ZNF420: variants seen among roughly 807,000 people sequenced by gnomAD.
ZNF420 encodes the protein ATM and p53-associated KZNF protein.
In ZNF420, 31 loss-of-function variants were observed where a neutral mutation model predicts 44.7. That is an observed-to-expected ratio of 0.69 (90% CI 0.52 to 0.94). ZNF420 has a LOEUF of 0.94. ZNF420 is among the 40% of genes least tolerant of loss of function. The probability of loss-of-function intolerance (pLI) is 0.00; values close to 1 mark genes in which losing one functional copy is unlikely to be tolerated. For synonymous variants in ZNF420, 245 were observed against 267.4 expected, an observed-to-expected ratio of 0.92 and a Z score of 0.82; for missense variants, 681 against 827.9, an observed-to-expected ratio of 0.82 and a Z score of 2.18.
Position 37,127,922 on chromosome 19 carries a change from G to C in ZNF420, c.931G>C (p.Glu311Gln). Residue 311 changes from glutamate (E) to glutamine (Q), a missense_variant, in exon 5 of 5, where the codon GAA becomes CAA. Coordinates refer to ENST00000337995, the MANE Select transcript of ZNF420 (RefSeq NM_144689.5). ...CGGTGAGAAACCCTATGAATGTAAG[G>C]AATGTGGAAAAGCTTTTATTTGTGG... is the stretch of plus-strand genomic sequence containing the variant. ...HTGEKPYECKECGKAFICGSQ... is the reference protein window; with the variant it reads ...HTGEKPYECKQCGKAFICGSQ... The C allele has an allele frequency of 6.2e-7, 1 of 1,614,104 alleles. No individual in the cohort carries two copies. Among genetic ancestry groups the C allele is most frequent in the Non-Finnish European group, 8.5e-7 (1 of 1,179,980 alleles).
At chr19:37,118,231 A>G (rs951858374) in intron 4 of ZNF420, among the ~76,000 whole-genome samples, 2 of 152,336 alleles carry the variant, frequency 1.3e-5, no homozygotes, top group East Asian at 1.9e-4. Context: ...GAGAAAGGTC[A>G]GGTTACCCAC....
chr19:37,115,155 G>A (rs754652498), intron 4 of ZNF420: 13 of 175,644 alleles, frequency 7.4e-5, no homozygotes, highest in Non-Finnish European at 9.8e-5. Context: ...ACGCTCGAGC[G>A]TACCTTCACC....
rs1347375228 is a variant in ZNF420 at position 37,127,386 on chromosome 19, G to A, written c.395G>A (p.Cys132Tyr). The A allele has an allele frequency of 6.2e-7, 1 of 1,613,754 alleles. No homozygotes were observed. Among genetic ancestry groups the A allele is most frequent in the Non-Finnish European group, 8.5e-7 (1 of 1,179,718 alleles). Residue 132 changes from cysteine (C) to tyrosine (Y), a missense_variant, in exon 5 of 5, where the codon TGT (cysteine) becomes TAT (tyrosine). Around this residue, in one of 3 missense-constraint regions of ZNF420, gnomAD observed 350 missense variants for 382.5 expected, o/e 0.92. Transcript: ENST00000337995. Reference sequence around the variant, plus strand: ...ACTTACTTATCTCAACATTCAAGATGTCATTCTACTGAGAAACCCTATAAA... The same window carrying A: ...ACTTACTTATCTCAACATTCAAGATATCATTCTACTGAGAAACCCTATAAA... Reference protein sequence around the residue: ...QHTYLSQHSRCHSTEKPYKCK... With the variant: ...QHTYLSQHSRYHSTEKPYKCK...
chr19:37,086,474 A>G (rs1409110384), intron 2 of ZNF420, among the ~76,000 whole-genome samples: 1 of 152,126 alleles, frequency 6.6e-6, no homozygotes, highest in Non-Finnish European at 1.5e-5. Context: ...TATTCTATTA[A>G]TATATATTTA....
chr19:37,080,466 T>C (rs1424958661), intron 2 of ZNF420, 78 bp downstream of exon 2: 2 of 152,680 alleles, frequency 1.3e-5, no homozygotes, highest in Non-Finnish European at 2.9e-5. Flanking sequence ...TTTTGAAATT[T>C]CTTGCCTTCT....
At chr19:37,118,793 A>C (rs1970846174) in intron 4 of ZNF420, among the ~76,000 whole-genome samples, 1 of 151,274 alleles carries the variant, frequency 6.6e-6, no homozygotes, top group Non-Finnish European at 1.5e-5. Flanking sequence ...AGCAAATGGA[A>C]AACAAAAAAA....
At chr19:37,087,283 AAAAAAAAAAATAAATAAATAAATAAAT>A (rs1171891982) in intron 2 of ZNF420, among the ~76,000 whole-genome samples, 2 of 49,966 alleles carry the variant, frequency 4.0e-5, no homozygotes, top group African/African-American at 1.9e-4. Context: ...ACCCTGTCTC[AAAAAAAAAAATAAATAAATAAATAAAT>A]AAATAAATAA....
rs762782458 is a variant in ZNF420, at chr19:37,123,599, C to CTTTTTTTTTTT, written c.137-3516_137-3506dup. ...CTTCTTTATTTTCTTTTACTCTTGT[C>CTTTTTTTTTTT]TTTTTTTTTTTTTTTTTTTTTTTGA... On this transcript the variant is annotated intron_variant, in intron 4 of 4. Transcript: ENST00000337995. Among the ~76,000 whole-genome samples the CTTTTTTTTTTT allele has an allele frequency of 2.4e-3, 196 of 80,322 alleles. 9 individuals are homozygous for CTTTTTTTTTTT. Among genetic ancestry groups the CTTTTTTTTTTT allele is most frequent in the African/African-American group, 3.5e-3 (61 of 17,264 alleles). The allele number at this position is 80,322 out of a possible 152,430, so 52.7% of individuals were successfully genotyped here.
intron 1 of ZNF420, among the ~76,000 whole-genome samples, chr19:37,051,651 T>G (rs569667673): frequency 6.6e-5 from 10 of 152,290 alleles, no homozygotes; most frequent in African/African-American, 2.2e-4. Context: ...TCAATTTTGT[T>G]GATCTTTTCA....
upstream of ZNF420, chr19:37,078,297 G>A (rs1206534690): frequency 1.3e-5 from 2 of 152,222 alleles, no homozygotes; most frequent in East Asian, 3.9e-4. Context: ...AGGGGTGAGC[G>A]GCCCGGGCCT....
chr19:37,122,547 G>A (rs1231947155), intron 4 of ZNF420, among the ~76,000 whole-genome samples: 2 of 151,980 alleles, frequency 1.3e-5, no homozygotes, highest in African/African-American at 2.4e-5. Context: ...ACACCAACAT[G>A]GCACATGTAT....
intron 1 of ZNF420, among the ~76,000 whole-genome samples, chr19:37,013,165 A>T (rs899436419): frequency 6.6e-6 from 1 of 152,058 alleles, no homozygotes; most frequent in Non-Finnish European, 1.5e-5. Context: ...AAGGGGTCGC[A>T]GCCTGATGTT....
chr19:37,106,278 T>C (rs563928035), intron 4 of ZNF420, among the ~76,000 whole-genome samples: 7 of 152,356 alleles, frequency 4.6e-5, no homozygotes, highest in African/African-American at 1.7e-4. Context: ...GATAATCATG[T>C]GGTTTTGTCT....
chr19:37,079,007 G>A (rs1286730632), intron 1 of ZNF420, among the ~76,000 whole-genome samples: 1 of 152,158 alleles, frequency 6.6e-6, no homozygotes, highest in East Asian at 1.9e-4. Flanking sequence ...TTATTACCGC[G>A]TGTTTCCCTG....
intron 4 of ZNF420, among the ~76,000 whole-genome samples, chr19:37,097,552 T>C (rs2146577551): frequency 6.6e-6 from 1 of 152,354 alleles, no homozygotes; most frequent in South Asian, 2.1e-4. Flanking sequence ...CTATTAAATG[T>C]ATTTCTATAG....
chr19:37,008,298 CTGTT>C (rs1443733680), intron 1 of ZNF420, among the ~76,000 whole-genome samples: 1 of 152,106 alleles, frequency 6.6e-6, no homozygotes, highest in Non-Finnish European at 1.5e-5. Flanking sequence ...CTCTCTCCCT[CTGTT>C]TCTTTCTCTG....
chr19:37,093,274 G>A (rs1391111091), intron 4 of ZNF420: 1 of 152,334 alleles, frequency 6.6e-6, no homozygotes, highest in East Asian at 1.9e-4. Flanking sequence ...CCAGGCTAGA[G>A]TGCAATGGCC....
chr19:37,124,483 T>C (rs1971234075), intron 4 of ZNF420, among the ~76,000 whole-genome samples: 1 of 152,230 alleles, frequency 6.6e-6, no homozygotes, highest in Non-Finnish European at 1.5e-5. Flanking sequence ...CTGTATCATA[T>C]GCTAAATGTA....
intron 1 of ZNF420, chr19:37,008,195 C>T (rs756410392): frequency 3.5e-5 from 11 of 313,304 alleles, no homozygotes; most frequent in Non-Finnish European, 6.0e-5. Flanking sequence ...AACCCCGCAG[C>T]CTCAGGAGTT....
Sources: gnomAD v4.1 joint callset for allele counts (sites outside exome capture counted in the v4.1 genomes callset) on GRCh38, gnomAD v4.1.1 for gene constraint, gnomAD v4.1.1 regional missense constraint, MANE v1.5 for transcripts, NCBI Gene and HGNC (gene_info 2026-07-23, HGNC 2026-07-21) for gene names.